The following CHAMP1 variants were observed in gnomAD, a reference collection of about 807,000 sequenced individuals.
The protein encoded by CHAMP1 is chromosome alignment maintaining phosphoprotein 1.
In CHAMP1, 4 loss-of-function variants were observed where a neutral mutation model predicts 54.5. That is an observed-to-expected ratio of 0.07 (90% CI 0.04 to 0.17). The LOEUF (loss-of-function observed/expected upper bound fraction) is 0.17. CHAMP1 is among the 10% of genes least tolerant of loss of function. CHAMP1 has a pLI of 1.00. For synonymous variants in CHAMP1, 368 were observed against 342.2 expected, an observed-to-expected ratio of 1.08 and a Z score of -0.83; for missense variants, 994 against 968.6, an observed-to-expected ratio of 1.03 and a Z score of -0.35.
chr13:114,320,694 C>A (rs1297443606), intron 1 of CHAMP1, among the ~76,000 whole-genome samples: 1 of 152,130 alleles, frequency 6.6e-6, no homozygotes, highest in African/African-American at 2.4e-5. Flanking sequence ...CGGTGGCTCA[C>A]ACCTGTAATC....
chr13:114,314,890 G>A (rs1036281847), intron 1 of CHAMP1, among the ~76,000 whole-genome samples: 3 of 152,206 alleles, frequency 2.0e-5, no homozygotes, highest in African/African-American at 7.2e-5. Context: ...GAAACATTGC[G>A]TTTGAAACCA....
At position 114,325,345 on chromosome 13, in the gene CHAMP1, T is replaced by C. The variant is rs782085677; in HGVS notation, c.1503T>C (p.Pro501=). 1 of 1,614,158 alleles carries C rather than the reference T, an allele frequency of 6.2e-7. No homozygotes were observed. The highest frequency in any genetic ancestry group is 1.1e-5 in the South Asian group (1 of 91,072). ...TCCCTGAGACCCGAAAACCAGGTCC[T>C]TCTGGGCCATCTGAGTCCCCCAAAG... ...PVFPETRKPG[P]SGPSESPKAA... The change falls in exon 3 of 3, where the codon CCT becomes CCC. Residue 501 remains proline, a synonymous_variant. Coordinates refer to ENST00000361283, the MANE Select transcript of CHAMP1 (RefSeq NM_032436.4).
chr13:114,321,626 C>T (rs2087173741), intron 2 of CHAMP1, among the ~76,000 whole-genome samples: 2 of 151,934 alleles, frequency 1.3e-5, no homozygotes, highest in East Asian at 1.9e-4. Flanking sequence ...ATTATTGCCT[C>T]ATGGGATTAT....
Position 114,323,792 on chromosome 13 carries a change from A to G in CHAMP1, c.-51A>G, listed in dbSNP as rs782287224. 80 of 1,526,144 alleles carry G rather than the reference A, an allele frequency of 5.2e-5. No individual in the cohort carries two copies. Among genetic ancestry groups the G allele is most frequent in the Non-Finnish European group, 6.8e-5 (78 of 1,138,946 alleles). 94.5% of individuals were successfully genotyped at this position (1,526,144 alleles called of 1,614,324 possible). On this transcript the variant is annotated 5_prime_UTR_variant, in exon 3 of 3. Transcript: ENST00000361283. Reference sequence around the variant, plus strand: ...TTTATTCCTACTTTATTGCAGCAGTATTGAAAGTTTTTAAAGAATATAACC... The same window carrying G: ...TTTATTCCTACTTTATTGCAGCAGTGTTGAAAGTTTTTAAAGAATATAACC...
chr13:114,323,500 C>T, intron 2 of CHAMP1: 1 of 220,280 alleles, frequency 4.5e-6, no homozygotes, highest in Admixed American at 5.5e-5. Context: ...GTCCTATAGC[C>T]TGGACCAGAG....
rs781883119 is a variant in CHAMP1, at chr13:114,324,078, A to G, written c.236A>G (p.Tyr79Cys). 3 of 1,614,238 alleles carry G rather than the reference A, an allele frequency of 1.9e-6. No individual in the cohort carries two copies. The highest frequency in any genetic ancestry group is 2.2e-5 in the South Asian group (2 of 91,086). The change falls in exon 3 of 3, where the codon TAT (tyrosine) becomes TGT (cysteine). Residue 79 changes from tyrosine to cysteine, a missense_variant. Around this residue, in one of 3 missense-constraint regions of CHAMP1, gnomAD observed 84 missense variants for 120.7 expected, o/e 0.70. Transcript: ENST00000361283. ...FTSKMYSNVY[Y>C]HITSKHASPD... is the part of the protein sequence containing the mutation. ...AGCAAGATGTACTCTAATGTATACTATCACATCACATCCAAACATGCATCC... is the reference window on the plus strand; with the variant it reads ...AGCAAGATGTACTCTAATGTATACTGTCACATCACATCCAAACATGCATCC...
chr13:114,316,247 T>G (rs908423480), intron 1 of CHAMP1, among the ~76,000 whole-genome samples: 1 of 150,356 alleles, frequency 6.7e-6, no homozygotes, highest in Non-Finnish European at 1.5e-5. Flanking sequence ...CACTGCAGCC[T>G]CCGTCTCTCG....
chr13:114,323,779 T>G lies in CHAMP1; in HGVS notation c.-55-9T>G. ...TTCATGAAAATAATTTATTCCTACTTTATTGCAGCAGTATTGAAAGTTTTT... is the reference window on the plus strand; with the variant it reads ...TTCATGAAAATAATTTATTCCTACTGTATTGCAGCAGTATTGAAAGTTTTT... On this transcript the variant is annotated splice_polypyrimidine_tract_variant and intron_variant, in intron 2 of 2. Transcript: ENST00000361283. 2 of 1,514,360 alleles carry G rather than the reference T, an allele frequency of 1.3e-6. No homozygotes were observed. Among genetic ancestry groups the G allele is most frequent in the Non-Finnish European group, 1.8e-6 (2 of 1,130,798 alleles). 93.8% of individuals were successfully genotyped at this position (1,514,360 alleles called of 1,614,324 possible). A position where few individuals can be genotyped will look rare whatever the true frequency, so the allele number is the denominator to read the frequency against.
intron 2 of CHAMP1, chr13:114,322,939 G>A (rs2087192423): frequency 6.6e-6 from 1 of 152,168 alleles, no homozygotes; most frequent in African/African-American, 2.4e-5. Flanking sequence ...TACTTAAGAA[G>A]ACTGGTTTAC....
At chr13:114,319,309 G>A (rs1184275661) in intron 1 of CHAMP1, among the ~76,000 whole-genome samples, 2 of 152,134 alleles carry the variant, frequency 1.3e-5, no homozygotes, top group Non-Finnish European at 2.9e-5. Flanking sequence ...AGACTAGATG[G>A]TAACTTAGGT....
Position 114,323,836 on chromosome 13 carries a change from CAG to C in CHAMP1, c.-5_-4del. The C allele has an allele frequency of 6.3e-7, 1 of 1,590,596 alleles. No homozygotes were observed. Among genetic ancestry groups the C allele is most frequent in the Non-Finnish European group, 8.6e-7 (1 of 1,167,208 alleles). ...TATAACCGTGTGTGTTGGTAACAGA[CAG>C]AAGAATGGAAGCATTCCAGGAACTT... On this transcript the variant is annotated 5_prime_UTR_variant, in exon 3 of 3. Transcript: ENST00000361283.
At chr13:114,323,656 T>G in intron 2 of CHAMP1, 132 bp from the exon 3 acceptor site, 1 of 696,550 alleles carries the variant, frequency 1.4e-6, no homozygotes, top group Non-Finnish European at 2.2e-6. Context: ...TTTCTTCAAA[T>G]TCTCCCTAGA....
intron 1 of CHAMP1, among the ~76,000 whole-genome samples, chr13:114,316,083 G>A (rs1488218285): frequency 1.3e-5 from 2 of 151,432 alleles, no homozygotes; most frequent in African/African-American, 4.9e-5. Context: ...TGATCCACCC[G>A]CCTCGGCCTT....
rs1555379988 is a variant in CHAMP1 at position 114,326,144 on chromosome 13, C to T, written c.2302C>T (p.Pro768Ser). The T allele has an allele frequency of 6.2e-7, 1 of 1,613,268 alleles. No individual in the cohort carries two copies. The highest frequency in any genetic ancestry group is 8.5e-7 in the Non-Finnish European group (1 of 1,179,522). ...CCATGGGCAAAGTTTACTTAAATGT[C>T]CACGTTGTAATTTTGAATCAAATTT... The part of the protein sequence containing the change: ...AAHGQSLLKC[P>S]RCNFESNFPR... The change falls in exon 3 of 3, where the codon CCA becomes TCA. Residue 768 changes from proline (P) to serine (S), a missense_variant. Transcript: ENST00000361283.
intron 1 of CHAMP1, among the ~76,000 whole-genome samples, chr13:114,317,436 G>A (rs1184264097): frequency 6.6e-6 from 1 of 151,922 alleles, no homozygotes; most frequent in East Asian, 2.0e-4. Flanking sequence ...GACCAGCCTG[G>A]ACAACATAGT....
intron 1 of CHAMP1, among the ~76,000 whole-genome samples, chr13:114,315,420 C>T (rs1350789701): frequency 6.6e-6 from 1 of 152,120 alleles, no homozygotes; most frequent in East Asian, 1.9e-4. Context: ...GATACTTGTT[C>T]ACAAATGTTC....
At chr13:114,323,316 T>A (rs1033034898) in intron 2 of CHAMP1, 10 of 152,544 alleles carry the variant, frequency 6.6e-5, no homozygotes, top group African/African-American at 2.4e-4. Context: ...AGATTTAATT[T>A]ATTAAGTGCT....
At chr13:114,320,893 T>G (rs1555379016) in intron 1 of CHAMP1, among the ~76,000 whole-genome samples, 1 of 151,386 alleles carries the variant, frequency 6.6e-6, no homozygotes, top group African/African-American at 2.4e-5. Flanking sequence ...GAGGCGGAGC[T>G]TGCAGTGAGC....
At chr13:114,321,879 C>T (rs187260837) in intron 2 of CHAMP1, among the ~76,000 whole-genome samples, 2 of 151,696 alleles carry the variant, frequency 1.3e-5, no homozygotes, top group Non-Finnish European at 2.9e-5. Flanking sequence ...AAATAGTTTC[C>T]GAAGAAAAGT....
Sources: allele counts gnomAD v4.1 joint callset (sites outside exome capture counted in the v4.1 genomes callset), GRCh38; gene constraint gnomAD v4.1.1; regional missense constraint gnomAD v4.1.1; transcripts MANE v1.5; gene names NCBI Gene and HGNC (gene_info 2026-07-23, HGNC 2026-07-21).